The following PDE9A variants were observed in gnomAD, a reference collection of about 807,000 sequenced individuals.
PDE9A encodes phosphodiesterase 9A.
A neutral mutation model predicts 87.4 loss-of-function variants in PDE9A; 60 were observed. The observed-to-expected ratio is 0.69, with a 90% CI of 0.56 to 0.85. The LOEUF is 0.85. PDE9A is among the 40% of genes least tolerant of loss of function. PDE9A has a pLI of 0.00. For missense variants in PDE9A, 665 were observed against 779.0 expected (o/e 0.85, Z 1.74); for synonymous variants, 272 against 279.4 (o/e 0.97, Z 0.27).
In PDE9A at chr21:42,702,885, A is replaced by G. The variant is rs1313473908; in HGVS notation, c.262+3874A>G. Among the ~76,000 whole-genome samples the G allele has an allele frequency of 6.6e-6, 1 of 152,238 alleles. No homozygotes were observed. Among genetic ancestry groups the G allele is most frequent in the East Asian group, 1.9e-4 (1 of 5,198 alleles). On this transcript the variant is annotated intron_variant, in intron 4 of 19. Coordinates refer to ENST00000291539, the MANE Select transcript of PDE9A (RefSeq NM_002606.3). The surrounding 1 kb of genome is among the most constrained non-coding windows in gnomAD (Gnocchi z 4.9). ...ATGCTGAGTGGCGTGGGCAGCTATTAGAAGGCTTTCAGGAGAGGAGTGACA... is the reference window on the plus strand; with the variant it reads ...ATGCTGAGTGGCGTGGGCAGCTATTGGAAGGCTTTCAGGAGAGGAGTGACA...
intron 4 of PDE9A, among the ~76,000 whole-genome samples, chr21:42,714,443 C>T (rs556739317): frequency 6.6e-6 from 1 of 152,280 alleles, no homozygotes; most frequent in South Asian, 2.1e-4. Context: ...CTCTCCCAGT[C>T]TTTGTTCATA....
chr21:42,728,230 A>G (rs1049819609), intron 4 of PDE9A, among the ~76,000 whole-genome samples: 3 of 152,236 alleles, frequency 2.0e-5, no homozygotes, highest in Non-Finnish European at 2.9e-5. Context: ...ACCATCTTAT[A>G]TAAGGAATTT....
At position 42,722,678 on chromosome 21, in the gene PDE9A, A is replaced by C. The variant is rs1455703995; in HGVS notation, c.263-9092A>C. Among the ~76,000 whole-genome samples the C allele has an allele frequency of 6.6e-6, 1 of 152,218 alleles. No homozygotes were observed. Among genetic ancestry groups the C allele is most frequent in the Non-Finnish European group, 1.5e-5 (1 of 68,030 alleles). Reference sequence around the variant, plus strand: ...GGGGAGAAAAGTACACATTCCCATCAGCTCAGGTGCGTGGAGGACGGAAGA... The same window carrying C: ...GGGGAGAAAAGTACACATTCCCATCCGCTCAGGTGCGTGGAGGACGGAAGA... On this transcript the variant is annotated intron_variant, in intron 4 of 19. Coordinates refer to ENST00000291539, the MANE Select transcript of PDE9A (RefSeq NM_002606.3). The surrounding 1 kb of genome is among the most constrained non-coding windows in gnomAD (Gnocchi z 4.1).
rs573530509 is a variant in PDE9A at position 42,660,735 on chromosome 21, G to T, written c.69+6852G>T. On this transcript the variant is annotated intron_variant, in intron 1 of 19. Coordinates refer to ENST00000291539, the MANE Select transcript of PDE9A (RefSeq NM_002606.3). The surrounding 1 kb of genome is among the most constrained non-coding windows in gnomAD (Gnocchi z 4.7). ...CTGTATTCCTGGCACTGCGGGCACA[G>T]TCATGCCATGGGCACCAGGGACGCC... Among the ~76,000 whole-genome samples the T allele has an allele frequency of 6.6e-6, 1 of 152,288 alleles. No individual in the cohort carries two copies. The highest frequency in any genetic ancestry group is 2.1e-4 in the South Asian group (1 of 4,814).
chr21:42,655,540 C>T (rs1226687579), intron 1 of PDE9A, among the ~76,000 whole-genome samples: 1 of 152,170 alleles, frequency 6.6e-6, no homozygotes, highest in East Asian at 1.9e-4. Context: ...GAAGACATGG[C>T]ATGTGGCACC....
At chr21:42,717,303 T>TG (rs1424109254) in intron 4 of PDE9A, among the ~76,000 whole-genome samples, 1 of 139,776 alleles carries the variant, frequency 7.2e-6, no homozygotes, top group African/African-American at 2.7e-5. Flanking sequence ...CCTTTTTTTT[T>TG]TTTTTTTTTT....
rs182320100 is a variant in PDE9A at position 42,748,625 on chromosome 21, C to T, written c.654-2491C>T. On this transcript the variant is annotated intron_variant, in intron 8 of 19. Transcript: ENST00000291539. ...GGTGCACACCGATCATGACAACAGC[C>T]GGCAATGTCCCCCCAGTTTAAACCT... Among the ~76,000 whole-genome samples, 177 of 152,290 alleles carry T rather than the reference C, an allele frequency of 1.2e-3. 1 individual carries two copies. The highest frequency in any genetic ancestry group is 1.9e-3 in the Non-Finnish European group (127 of 68,016).
At chr21:42,667,379 G>T (rs776718361) in intron 1 of PDE9A, among the ~76,000 whole-genome samples, 63 of 152,276 alleles carry the variant, frequency 4.1e-4, no homozygotes, top group Middle Eastern at 3.4e-3. Flanking sequence ...TAAACTACTC[G>T]ACTTCATGGA....
At chr21:42,674,265 C>T (rs1460341342) in intron 1 of PDE9A, among the ~76,000 whole-genome samples, 1 of 151,546 alleles carries the variant, frequency 6.6e-6, no homozygotes, top group South Asian at 2.1e-4. Context: ...GTAGGAGATG[C>T]ATGGATCTGA....
In PDE9A at chr21:42,768,245, G is replaced by A. The variant is rs1427667359; in HGVS notation, c.1414G>A (p.Val472Ile). Reference protein sequence around the residue: ...DISNEVRPMEVAEPWVDCLLE... With the variant: ...DISNEVRPMEIAEPWVDCLLE... ...CTCTAACGAGGTCCGTCCAATGGAA[G>A]TCGCAGAGCCTTGGGTGGACTGTTT... The change falls in exon 16 of 20, where the codon GTC becomes ATC. Residue 472 changes from valine to isoleucine, a missense_variant. By Grantham distance (29) the Val-to-Ile change is conservative (BLOSUM62 3). Coordinates refer to ENST00000291539, the MANE Select transcript of PDE9A (RefSeq NM_002606.3). 2.5e-6 allele frequency: 4 copies of A among 1,610,580 alleles called. No individual in the cohort carries two copies. The East Asian group carries it at 6.7e-5, about 27-fold the overall frequency.
intron 18 of PDE9A, among the ~76,000 whole-genome samples, chr21:42,771,938 G>A (rs2057056467): frequency 6.6e-6 from 1 of 152,220 alleles, no homozygotes; most frequent in Admixed American, 6.5e-5. Flanking sequence ...GATGTAGCAA[G>A]AAGGCTTCCC....
At chr21:42,704,000 G>A (rs1046706267) in intron 4 of PDE9A, among the ~76,000 whole-genome samples, 4 of 152,190 alleles carry the variant, frequency 2.6e-5, no homozygotes, top group African/African-American at 4.8e-5. Context: ...AGGAGCATTC[G>A]GCCCAGGCTG....
At position 42,657,766 on chromosome 21, in the gene PDE9A, G is replaced by A. The variant is rs140616980; in HGVS notation, c.69+3883G>A. On this transcript the variant is annotated intron_variant, in intron 1 of 19. Transcript: ENST00000291539. ...ACATCTGGGCAAGACTGAATGCTCC[G>A]GGGCCTCTGTGGTGCCACTGCCCTG... is the stretch of plus-strand genomic sequence containing the variant. Among the ~76,000 whole-genome samples the A allele has an allele frequency of 5.0e-3, 764 of 152,326 alleles. 7 individuals are homozygous for A. Among genetic ancestry groups the A allele is most frequent in the African/African-American group, 0.017 (721 of 41,574 alleles).
intron 1 of PDE9A, among the ~76,000 whole-genome samples, chr21:42,668,895 T>TCCCCCCCCC (rs1229611821): frequency 1.9e-4 from 19 of 99,632 alleles, no homozygotes; most frequent in African/African-American, 8.9e-4. Flanking sequence ...AGCTGCTCCC[T>TCCCCCCCCC]CCACCCCCCG....
intron 13 of PDE9A, 124 bp from the exon 14 acceptor site, chr21:42,761,959 C>T: frequency 4.1e-6 from 4 of 976,960 alleles, no homozygotes; most frequent in Non-Finnish European, 6.0e-6. Context: ...AGGCAGCTCC[C>T]CCAGCCCCCA....
At chr21:42,666,849 C>T (rs1475697368) in intron 1 of PDE9A, among the ~76,000 whole-genome samples, 1 of 152,212 alleles carries the variant, frequency 6.6e-6, no homozygotes, top group African/African-American at 2.4e-5. Flanking sequence ...CTCCCTTCCC[C>T]ATCTTCTGGC....
chr21:42,676,991 G>A (rs567136347), intron 1 of PDE9A, among the ~76,000 whole-genome samples: 319 of 152,264 alleles, frequency 2.1e-3, no homozygotes, highest in African/African-American at 7.3e-3. Context: ...CCCAGCGTCC[G>A]GCCTCATTAA....
rs369259144 is a variant in PDE9A at position 42,705,813 on chromosome 21, C to G, written c.262+6802C>G. Among the ~76,000 whole-genome samples the G allele has an allele frequency of 1.9e-4, 29 of 152,244 alleles. No homozygotes were observed. The East Asian group carries it at 5.4e-3, about 28-fold the overall frequency. On this transcript the variant is annotated intron_variant, in intron 4 of 19. Transcript: ENST00000291539. This position sits in a 1 kb window ranked among gnomAD's most constrained non-coding sequence, Gnocchi z 4.3. ...TTGTTCTCCCCCACATTCCTGCCTGCCCTAGGACCCAGGACCTGTCTCTAG... is the reference window on the plus strand; with the variant it reads ...TTGTTCTCCCCCACATTCCTGCCTGGCCTAGGACCCAGGACCTGTCTCTAG...
chr21:42,769,868 C>T (rs1182141883), intron 17 of PDE9A, among the ~76,000 whole-genome samples: 1 of 152,196 alleles, frequency 6.6e-6, no homozygotes, highest in Non-Finnish European at 1.5e-5. Flanking sequence ...CATCCAGAGC[C>T]TGCTCCCCAC....
Sources: gnomAD v4.1 joint callset for allele counts (sites outside exome capture counted in the v4.1 genomes callset) on GRCh38, gnomAD v4.1.1 for gene constraint, Gnocchi (gnomAD v3.1) non-coding constraint, MANE v1.5 for transcripts, NCBI Gene and HGNC (gene_info 2026-07-23, HGNC 2026-07-21) for gene names.